The following KIF6 variants were observed in gnomAD, a reference collection of about 807,000 sequenced individuals.
KIF6 encodes the protein kinesin-like protein KIF6.
KIF6 carries 106 observed loss-of-function variants against 112.7 expected under a neutral mutation model. That is an observed-to-expected ratio of 0.94 (90% CI 0.80 to 1.11). The LOEUF (loss-of-function observed/expected upper bound fraction) is 1.11, where lower values mean the gene tolerates loss of function less well. Ranked by LOEUF, KIF6 falls within the 50% of genes least tolerant of loss-of-function variation. The pLI, the probability that KIF6 is intolerant of heterozygous loss-of-function variation, is 0.00. For missense variants in KIF6, 929 were observed against 964.0 expected (o/e 0.96, Z 0.48); for synonymous variants, 339 against 339.9 (o/e 1.00, Z 0.03).
chr6:39,633,693 G>A (rs1432584141), intron 5 of KIF6, among the ~76,000 whole-genome samples: 3 of 152,196 alleles, frequency 2.0e-5, no homozygotes, highest in Non-Finnish European at 4.4e-5. Context: ...CTAGCATTCA[G>A]CAGTCATTCT....
chr6:39,374,697 A>T (rs1766291634), intron 16 of KIF6, among the ~76,000 whole-genome samples: 1 of 152,232 alleles, frequency 6.6e-6, no homozygotes, highest in African/African-American at 2.4e-5. Context: ...CACCTGTTAA[A>T]ATGGCTATAA....
At chr6:39,699,327 A>G (rs1788736601) in intron 3 of KIF6, among the ~76,000 whole-genome samples, 1 of 152,124 alleles carries the variant, frequency 6.6e-6, no homozygotes. Context: ...CTAAGAAGGT[A>G]TCATTTGAAC....
At chr6:39,408,017 T>C in intron 15 of KIF6, among the ~76,000 whole-genome samples, 1 of 152,142 alleles carries the variant, frequency 6.6e-6, no homozygotes, top group East Asian at 1.9e-4. Context: ...CTGCTACGTA[T>C]TCTATAGACA....
At chr6:39,375,472 G>A (rs183670896) in intron 16 of KIF6, among the ~76,000 whole-genome samples, 28 of 152,220 alleles carry the variant, frequency 1.8e-4, no homozygotes, top group African/African-American at 5.8e-4. Context: ...TACAATTATG[G>A]CTTTTCAATT....
At chr6:39,570,776 G>A (rs934150907) in intron 10 of KIF6, among the ~76,000 whole-genome samples, 1 of 152,116 alleles carries the variant, frequency 6.6e-6, no homozygotes, top group Admixed American at 6.6e-5. Context: ...CATGAAGAAG[G>A]TGCCTGCTTC....
At chr6:39,517,843 G>C (rs540926687) in intron 13 of KIF6, among the ~76,000 whole-genome samples, 145 of 152,292 alleles carry the variant, frequency 9.5e-4, no homozygotes, top group Non-Finnish European at 1.7e-3. Flanking sequence ...GCCAAATCCT[G>C]CCTATCTCCT....
chr6:39,645,496 G>A (rs911104782), intron 3 of KIF6, among the ~76,000 whole-genome samples: 1 of 152,166 alleles, frequency 6.6e-6, no homozygotes, highest in Non-Finnish European at 1.5e-5. Context: ...TTGCATTCCA[G>A]GGATGAAGCC....
chr6:39,711,904 A>G (rs769030456), intron 3 of KIF6, among the ~76,000 whole-genome samples: 4 of 152,168 alleles, frequency 2.6e-5, no homozygotes, highest in Non-Finnish European at 4.4e-5. Flanking sequence ...AGACAGAGAG[A>G]GCAAGACAGA....
chr6:39,707,435 G>T (rs751241241), intron 3 of KIF6, among the ~76,000 whole-genome samples: 2 of 152,192 alleles, frequency 1.3e-5, no homozygotes, highest in Non-Finnish European at 2.9e-5. Context: ...GTGTTTCTGG[G>T]TGTCTGGTTT....
intron 9 of KIF6, among the ~76,000 whole-genome samples, chr6:39,583,698 TTTTTTTTTTTTTA>T (rs1781436134): frequency 7.3e-5 from 7 of 96,198 alleles, no homozygotes; most frequent in Admixed American, 1.1e-4. Flanking sequence ...TTTTTTTTTT[TTTTTTTTTTTTTA>T]CAGTGCAGAT....
chr6:39,549,327 C>CA (rs1270394851), intron 10 of KIF6, among the ~76,000 whole-genome samples: 3 of 152,106 alleles, frequency 2.0e-5, no homozygotes, highest in Non-Finnish European at 4.4e-5. Flanking sequence ...TAATGACAGC[C>CA]AACATTGAGC....
chr6:39,674,381 C>T (rs1787014862), intron 3 of KIF6, among the ~76,000 whole-genome samples: 1 of 152,108 alleles, frequency 6.6e-6, no homozygotes, highest in East Asian at 1.9e-4. Flanking sequence ...AAGAGATGAT[C>T]ATATGACTGG....
intron 3 of KIF6, among the ~76,000 whole-genome samples, chr6:39,669,919 T>G (rs2150828586): frequency 6.6e-6 from 1 of 152,348 alleles, no homozygotes; most frequent in South Asian, 2.1e-4. Context: ...TCTCTTTCTT[T>G]AAAATTGCTT....
At chr6:39,346,083 TCTCCCCC>T (rs140830256) in intron 20 of KIF6, among the ~76,000 whole-genome samples, 3,885 of 24,614 alleles carry the variant, frequency 0.16, 455 homozygotes, top group African/African-American at 0.42. Flanking sequence ...TCTCTCTCTC[TCTCCCCC>T]CCCTCTCCCT....
chr6:39,571,966 C>T (rs748386583), intron 10 of KIF6, among the ~76,000 whole-genome samples: 1 of 143,852 alleles, frequency 7.0e-6, no homozygotes, highest in Non-Finnish European at 1.5e-5. Context: ...TTTCAGCTTA[C>T]TCCATGGGTG....
At chr6:39,517,770 G>A (rs1024008265) in intron 13 of KIF6, among the ~76,000 whole-genome samples, 3 of 152,168 alleles carry the variant, frequency 2.0e-5, no homozygotes, top group African/African-American at 7.2e-5. Flanking sequence ...CCCATCTACT[G>A]TATATTGAAA....
chr6:39,478,734 T>A (rs1235440542), intron 13 of KIF6, among the ~76,000 whole-genome samples: 1 of 151,114 alleles, frequency 6.6e-6, no homozygotes, highest in African/African-American at 2.4e-5. Flanking sequence ...GTAGAAGTGT[T>A]CCCTGTTCAC....
intron 13 of KIF6, among the ~76,000 whole-genome samples, chr6:39,535,859 C>T (rs1294231945): frequency 6.6e-6 from 1 of 152,168 alleles, no homozygotes; most frequent in Non-Finnish European, 1.5e-5. Flanking sequence ...TTATAACAAA[C>T]TGTCTCTCAG....
At chr6:39,536,224 TGAA>T (rs1190531297) in intron 13 of KIF6, among the ~76,000 whole-genome samples, 1 of 150,692 alleles carries the variant, frequency 6.6e-6, no homozygotes, top group African/African-American at 2.4e-5. Context: ...AGAGCAGAAC[TGAA>T]GGAAATAGAG....
Sources: gnomAD v4.1 joint callset for allele counts (sites outside exome capture counted in the v4.1 genomes callset) on GRCh38, gnomAD v4.1.1 for gene constraint, MANE v1.5 for transcripts, NCBI Gene and HGNC (gene_info 2026-07-23, HGNC 2026-07-21) for gene names.